The following SNX13 variants were observed in gnomAD, a reference collection of about 807,000 sequenced individuals.
The protein encoded by SNX13 is sorting nexin 13.
SNX13 carries 45 observed loss-of-function variants against 133.6 expected under a neutral mutation model. That is an observed-to-expected ratio of 0.34 (90% CI 0.27 to 0.43). The LOEUF is 0.43. Among genes scored for constraint, SNX13 ranks in the 20% least tolerant of loss-of-function variants. The pLI is 1.00. For missense variants in SNX13, 1,032 were observed against 1,145.1 expected, an observed-to-expected ratio of 0.90 and a Z score of 1.43; for synonymous variants, 414 against 373.9, an observed-to-expected ratio of 1.11 and a Z score of -1.24.
chr7:17,883,092 GT>G (rs1197028405), intron 5 of SNX13: 3 of 261,570 alleles, frequency 1.1e-5, no homozygotes, highest in African/African-American at 6.9e-5. Flanking sequence ...TAGGCATGCA[GT>G]TTTATATGAC....
intron 1 of SNX13, among the ~76,000 whole-genome samples, chr7:17,926,974 A>G (rs886790564): frequency 6.6e-6 from 1 of 152,202 alleles, no homozygotes; most frequent in African/African-American, 2.4e-5. Flanking sequence ...GCTAATAAGC[A>G]TATGAAAAGA....
intron 11 of SNX13, among the ~76,000 whole-genome samples, chr7:17,848,084 G>A (rs957696566): frequency 1.3e-5 from 2 of 151,950 alleles, no homozygotes; most frequent in African/African-American, 2.4e-5. Context: ...ACCCATGGCC[G>A]CACACCACCC....
chr7:17,806,336 A>G (rs189877060), intron 20 of SNX13, among the ~76,000 whole-genome samples: 15 of 152,334 alleles, frequency 9.8e-5, no homozygotes, highest in Admixed American at 7.2e-4. Flanking sequence ...TGACCAAATT[A>G]ATGTGTTATA....
In SNX13 at chr7:17,940,417, G is replaced by A; in HGVS notation, c.-122C>T. ...AACTGCTCCTTCAGTCTTCTCCCGG[G>A]CGGCGGTTTTACTCGGCTTCGCTGG... is the stretch of plus-strand genomic sequence containing the variant. On this transcript the variant is annotated 5_prime_UTR_variant, in exon 1 of 26. Transcript: ENST00000428135. The A allele has an allele frequency of 8.2e-7, 1 of 1,216,312 alleles. No homozygotes were observed. Among genetic ancestry groups the A allele is most frequent in the Admixed American group, 2.0e-5 (1 of 50,626 alleles). The allele number at this position is 1,216,312 out of a possible 1,614,324, so 75.3% of individuals were successfully genotyped here.
chr7:17,932,282 C>G (rs1323772352), intron 1 of SNX13, among the ~76,000 whole-genome samples: 1 of 152,092 alleles, frequency 6.6e-6, no homozygotes, highest in East Asian at 1.9e-4. Context: ...AGATTTTTCC[C>G]TGTAGGAAAA....
At chr7:17,894,901 G>T (rs1361170517) in intron 2 of SNX13, among the ~76,000 whole-genome samples, 4 of 152,060 alleles carry the variant, frequency 2.6e-5, no homozygotes, top group African/African-American at 9.7e-5. Context: ...CAGGGGTTGG[G>T]GGTTGAGAAC....
intron 9 of SNX13, among the ~76,000 whole-genome samples, chr7:17,864,983 A>C (rs1007620897): frequency 6.6e-6 from 1 of 152,218 alleles, no homozygotes; most frequent in Non-Finnish European, 1.5e-5. Context: ...ATGTCTTCCA[A>C]CCTAAAATAT....
At chr7:17,907,422 T>G (rs1289540064) in intron 1 of SNX13, 1 of 152,150 alleles carries the variant, frequency 6.6e-6, no homozygotes, top group African/African-American at 2.4e-5. Flanking sequence ...ATGTAAGGAT[T>G]GAGAAAGGGA....
At chr7:17,848,449 G>A (rs188915034) in intron 11 of SNX13, among the ~76,000 whole-genome samples, 3 of 152,246 alleles carry the variant, frequency 2.0e-5, no homozygotes, top group East Asian at 1.9e-4. Flanking sequence ...AAGGGCAGCC[G>A]CCTCATGCAA....
intron 24 of SNX13, 118 bp downstream of exon 24, chr7:17,798,572 A>C (rs1290134079): frequency 2.9e-6 from 2 of 695,302 alleles, no homozygotes; most frequent in Admixed American, 6.4e-5. Context: ...TTTGCTCATC[A>C]ATGATAACTA....
chr7:17,880,267 T>G (rs974637377), intron 5 of SNX13: 2 of 152,224 alleles, frequency 1.3e-5, no homozygotes, highest in Non-Finnish European at 2.9e-5. Flanking sequence ...TCAAATTTCA[T>G]AGCTGCCTTT....
At chr7:17,905,301 T>C (rs1301582984) in intron 1 of SNX13, among the ~76,000 whole-genome samples, 1 of 152,196 alleles carries the variant, frequency 6.6e-6, no homozygotes. Flanking sequence ...CTATTGTTAC[T>C]AGGTGGGTAT....
chr7:17,813,891 T>A (rs1786346223), intron 20 of SNX13, among the ~76,000 whole-genome samples: 1 of 152,122 alleles, frequency 6.6e-6, no homozygotes, highest in African/African-American at 2.4e-5. Flanking sequence ...TGGCCCAAAC[T>A]TCCTATAATT....
At chr7:17,860,675 T>C (rs1182509194) in intron 9 of SNX13, among the ~76,000 whole-genome samples, 2 of 152,232 alleles carry the variant, frequency 1.3e-5, no homozygotes, top group Admixed American at 6.5e-5. Context: ...TCCTTTTGCA[T>C]GTGGCTATCC....
chr7:17,843,432 A>C (rs1404261583), intron 12 of SNX13, among the ~76,000 whole-genome samples: 1 of 152,130 alleles, frequency 6.6e-6, no homozygotes, highest in Non-Finnish European at 1.5e-5. Context: ...AAATATATGA[A>C]GCAAAAACAG....
chr7:17,829,509 C>CA (rs911871175), intron 16 of SNX13, among the ~76,000 whole-genome samples: 1 of 150,610 alleles, frequency 6.6e-6, no homozygotes, highest in Non-Finnish European at 1.5e-5. Flanking sequence ...TCTAAACTTA[C>CA]AAAAAAAAAT....
rs1032999785 is a variant in SNX13 at position 17,792,125 on chromosome 7, T to C, written c.*1920A>G. ...TTACATGAATTATTCTGTATACTGT[T>C]AGATTTATTCATGTCAAAAATATAT... On this transcript the variant is annotated 3_prime_UTR_variant, in exon 26 of 26. Transcript: ENST00000428135. The C allele has an allele frequency of 6.6e-6, 1 of 152,034 alleles. No individual in the cohort carries two copies. The highest frequency in any genetic ancestry group is 2.4e-5 in the African/African-American group (1 of 41,416). The allele number at this position is 152,034 out of a possible 1,614,324, so 9.4% of individuals were successfully genotyped here.
chr7:17,914,501 G>A (rs1045241071), intron 1 of SNX13, among the ~76,000 whole-genome samples: 1 of 152,136 alleles, frequency 6.6e-6, no homozygotes, highest in African/African-American at 2.4e-5. Context: ...TACCTATAAA[G>A]GCAAACCCAT....
chr7:17,821,575 C>T lies in SNX13; in HGVS notation c.1779G>A (p.Glu593=). The change falls in exon 18 of 26, where the codon GAG becomes GAA. Residue 593 remains glutamate, a synonymous_variant. Coordinates refer to ENST00000428135, the MANE Select transcript of SNX13 (RefSeq NM_015132.5). ...AACGACGATAGGTTTTCCACATCTCCTCACTGTTTAGGTTGCGCCGGTGTA... is the reference window on the plus strand; with the variant it reads ...AACGACGATAGGTTTTCCACATCTCTTCACTGTTTAGGTTGCGCCGGTGTA... ...ITVHRRNLNS[E]EMWKTYRRYS... 6.2e-7 allele frequency: 1 copy of T among 1,613,654 alleles called. No homozygotes were observed. Among genetic ancestry groups the T allele is most frequent in the Non-Finnish European group, 8.5e-7 (1 of 1,179,700 alleles).
Sources: gnomAD v4.1 joint callset for allele counts (sites outside exome capture counted in the v4.1 genomes callset) on GRCh38, gnomAD v4.1.1 for gene constraint, MANE v1.5 for transcripts, NCBI Gene and HGNC (gene_info 2026-07-23, HGNC 2026-07-21) for gene names.